PHTF2: variants seen among roughly 807,000 people sequenced by gnomAD.
The protein encoded by PHTF2 is putative homeodomain transcription factor 2, also known as protein PHTF2.
Under a neutral mutation model 101.2 loss-of-function variants are expected in PHTF2, and 60 were observed. The ratio of observed to expected loss-of-function variants is 0.59; its 90% CI spans 0.48 to 0.73. The LOEUF (loss-of-function observed/expected upper bound fraction) is 0.73, where lower values mean the gene tolerates loss of function less well. Among genes scored for constraint, PHTF2 ranks in the 30% least tolerant of loss-of-function variants. The pLI is 0.00. For missense variants in PHTF2, 747 were observed against 908.7 expected (o/e 0.82, Z 2.29); for synonymous variants, 311 against 307.3 (o/e 1.01, Z -0.13).
rs377524512 is a variant in PHTF2, at chr7:77,821,308, T to C, written c.-35-18913T>C. 7.9e-5 allele frequency among the ~76,000 whole-genome samples: 12 copies of C among 152,364 alleles called. No homozygotes were observed. In the East Asian group the frequency reaches 1.7e-3, roughly 22 times the overall value. ...TTGACAATTTGAATATATTTTGCCTTGGAGAGGATCTATTTGGGTTGCGTC... is the reference window on the plus strand; with the variant it reads ...TTGACAATTTGAATATATTTTGCCTCGGAGAGGATCTATTTGGGTTGCGTC... On this transcript the variant is annotated intron_variant, in intron 1 of 19. Coordinates refer to ENST00000416283, the Ensembl canonical transcript of PHTF2.
chr7:77,932,598 G>A (rs1046562293), intron 12 of PHTF2, among the ~76,000 whole-genome samples: 5 of 127,822 alleles, frequency 3.9e-5, no homozygotes, highest in African/African-American at 1.3e-4. Context: ...GAGAGAGAGA[G>A]AGAAAGAGAG....
chr7:77,852,557 G>A (rs972140389), intron 2 of PHTF2, among the ~76,000 whole-genome samples: 5 of 152,090 alleles, frequency 3.3e-5, no homozygotes, highest in African/African-American at 1.2e-4. Context: ...TTAAAAAGTT[G>A]TTGTAGTTGT....
intron 5 of PHTF2, among the ~76,000 whole-genome samples, chr7:77,898,500 C>A (rs1237937050): frequency 6.6e-6 from 1 of 152,060 alleles, no homozygotes; most frequent in African/African-American, 2.4e-5. Flanking sequence ...CTCCAATTTG[C>A]AAAATCTTGG....
chr7:77,882,738 G>A (rs753452588), intron 3 of PHTF2, among the ~76,000 whole-genome samples: 6 of 152,138 alleles, frequency 3.9e-5, no homozygotes, highest in Non-Finnish European at 4.4e-5. Context: ...TAGAGATTTG[G>A]TAAAATAATT....
At chr7:77,912,661 G>GTATA (rs149254572) in intron 9 of PHTF2, among the ~76,000 whole-genome samples, 1 of 119,346 alleles carries the variant, frequency 8.4e-6, no homozygotes, top group Admixed American at 9.5e-5. Flanking sequence ...TTCTATTTTT[G>GTATA]TATATATATA....
chr7:77,830,320 T>A (rs1232906398), intron 1 of PHTF2, among the ~76,000 whole-genome samples: 1 of 152,236 alleles, frequency 6.6e-6, no homozygotes, highest in Non-Finnish European at 1.5e-5. Flanking sequence ...TACATACTTA[T>A]GATAAAGTTT....
intron 7 of PHTF2, among the ~76,000 whole-genome samples, chr7:77,906,907 C>G (rs913410829): frequency 5.4e-5 from 5 of 92,624 alleles, no homozygotes; most frequent in Admixed American, 4.2e-4. Flanking sequence ...GACTCCGTCT[C>G]AAGAAAAATT....
chr7:77,929,806 T>G (rs1463911686), intron 12 of PHTF2, among the ~76,000 whole-genome samples: 3 of 152,184 alleles, frequency 2.0e-5, no homozygotes, highest in Non-Finnish European at 4.4e-5. Flanking sequence ...CAAATATGTT[T>G]TATTTAGACC....
At chr7:77,861,101 A>T (rs967691772) in intron 3 of PHTF2, among the ~76,000 whole-genome samples, 1 of 152,002 alleles carries the variant, frequency 6.6e-6, no homozygotes, top group Admixed American at 6.6e-5. Context: ...AAAATTATGT[A>T]CTTACATTTA....
chr7:77,944,983 G>A (rs1805925202), intron 16 of PHTF2, among the ~76,000 whole-genome samples: 1 of 152,210 alleles, frequency 6.6e-6, no homozygotes, highest in African/African-American at 2.4e-5. Flanking sequence ...CAGAGATAAA[G>A]AGACAGAAAA....
At chr7:77,803,472 T>G (rs1178138114) in intron 1 of PHTF2, among the ~76,000 whole-genome samples, 4 of 152,220 alleles carry the variant, frequency 2.6e-5, no homozygotes, top group African/African-American at 4.8e-5. Flanking sequence ...AGACCTAGGT[T>G]CAAGTCCTGA....
chr7:77,834,889 C>G (rs988058706), intron 1 of PHTF2, among the ~76,000 whole-genome samples: 3 of 152,202 alleles, frequency 2.0e-5, no homozygotes, highest in Admixed American at 2.0e-4. Flanking sequence ...TGTGTGGCCA[C>G]ATACTGCTTT....
intron 5 of PHTF2, 69 bp from the exon 5 acceptor site, chr7:77,900,642 A>G (rs779106006): frequency 1.2e-6 from 1 of 800,344 alleles, no homozygotes; most frequent in Admixed American, 1.8e-5. Flanking sequence ...AAAGCTTTAG[A>G]AATTGATTTT....
intron 3 of PHTF2, among the ~76,000 whole-genome samples, chr7:77,869,043 A>G (rs1798310343): frequency 6.6e-6 from 1 of 152,220 alleles, no homozygotes; most frequent in South Asian, 2.1e-4. Flanking sequence ...TCTTTGGAAT[A>G]GAACATCCTG....
At chr7:77,851,116 G>T (rs975834596) in intron 2 of PHTF2, among the ~76,000 whole-genome samples, 8 of 152,058 alleles carry the variant, frequency 5.3e-5, no homozygotes, top group African/African-American at 1.9e-4. Context: ...AGTAATACTG[G>T]CCTCATAAAA....
At chr7:77,860,308 T>C (rs1430284879) in intron 3 of PHTF2, among the ~76,000 whole-genome samples, 1 of 152,232 alleles carries the variant, frequency 6.6e-6, no homozygotes, top group Non-Finnish European at 1.5e-5. Flanking sequence ...TATGAGAATA[T>C]TATTTTTTCT....
rs756318244 is a variant in PHTF2, at chr7:77,893,662, A to G, written c.202A>G (p.Lys68Glu). 2.3e-6 allele frequency: 3 copies of G among 1,306,078 alleles called. No individual in the cohort carries two copies. In the Admixed American group the frequency reaches 5.7e-5, roughly 25 times the overall value. 80.9% of individuals were successfully genotyped at this position (1,306,078 alleles called of 1,614,324 possible). ...AAAATCTGTTGAACAGAGAGAAATC[A>G]AGGTAAGGAGTTTATTTCATTTTGT... The change falls in exon 4 of 20, where the codon AAG (lysine) becomes GAG (glutamate). Residue 68 changes from lysine (K) to glutamate (E), a missense_variant and splice_region_variant. Physicochemically the swap from Lys to Glu is moderately conservative, Grantham distance 56. This residue lies in a region of PHTF2 where 96 missense variants were observed against 91.3 expected (regional missense o/e 1.05). Transcript: ENST00000416283.
chr7:77,888,264 G>A (rs541550541), intron 3 of PHTF2, among the ~76,000 whole-genome samples: 164 of 152,164 alleles, frequency 1.1e-3, no homozygotes, highest in Non-Finnish European at 1.7e-3. Flanking sequence ...ACAGGCGTGC[G>A]CCACCACGCC....
At chr7:77,955,106 T>C (rs1304362586) in exon 20 of PHTF2, 1 of 278,566 alleles carries the variant, frequency 3.6e-6, no homozygotes, top group African/African-American at 2.2e-5. Flanking sequence ...ACTTAGTTGT[T>C]GAAAGGGTGA....
Sources: gnomAD v4.1 joint callset for allele counts (sites outside exome capture counted in the v4.1 genomes callset) on GRCh38, gnomAD v4.1.1 for gene constraint, gnomAD v4.1.1 regional missense constraint, MANE v1.5 for transcripts, NCBI Gene and HGNC (gene_info 2026-07-23, HGNC 2026-07-21) for gene names.